The following CFAP95 variants were observed in gnomAD, a reference collection of about 807,000 sequenced individuals.
CFAP95 encodes the protein cilia- and flagella-associated protein 95.
chr9:69,857,681 C>T, the CFAP95 span, among the ~76,000 whole-genome samples: 2 of 152,068 alleles, frequency 1.3e-5, no homozygotes, highest in East Asian at 1.9e-4. Flanking sequence ...CATGCTGCCA[C>T]GTCCGGCTAA....
chr9:69,870,707 G>A, the CFAP95 span, among the ~76,000 whole-genome samples: 2,563 of 152,322 alleles, frequency 0.017, 35 homozygotes, highest in Middle Eastern at 0.031. Context: ...AAAGACAAGG[G>A]AGAAGGGAAT....
At chr9:69,886,756 C>A in the CFAP95 span, 2 of 980,280 alleles carry the variant, frequency 2.0e-6, no homozygotes, top group South Asian at 1.5e-5. Context: ...GTTTTTATTT[C>A]ATGTAAAGTG....
At chr9:69,860,093 C>T in the CFAP95 span, among the ~76,000 whole-genome samples, 11 of 152,254 alleles carry the variant, frequency 7.2e-5, no homozygotes, top group Middle Eastern at 3.4e-3. Context: ...ACTTTATAAA[C>T]GCTGTATACT....
the CFAP95 span, among the ~76,000 whole-genome samples, chr9:69,877,362 ACCTTATTGGTGT>A: frequency 1.3e-5 from 2 of 152,202 alleles, no homozygotes; most frequent in Non-Finnish European, 2.9e-5. Flanking sequence ...TCTACAAAAC[ACCTTATTGGTGT>A]TTAGATTGGA....
the CFAP95 span, among the ~76,000 whole-genome samples, chr9:69,868,046 A>T: frequency 6.2e-3 from 939 of 152,308 alleles, 10 homozygotes; most frequent in African/African-American, 0.021. Context: ...TACCATGCTT[A>T]TATGGCCATT....
chr9:69,849,932 C>T, the CFAP95 span, among the ~76,000 whole-genome samples: 1 of 152,160 alleles, frequency 6.6e-6, no homozygotes, highest in African/African-American at 2.4e-5. Flanking sequence ...CATATCTCTA[C>T]CCAGGTGAAT....
chr9:69,895,365 CTCTCTG>C, the CFAP95 span, among the ~76,000 whole-genome samples: 7 of 108,094 alleles, frequency 6.5e-5, no homozygotes, highest in African/African-American at 1.9e-4. Flanking sequence ...CTCTCTCTCT[CTCTCTG>C]TGTGTGTGTG....
At chr9:69,858,223 A>C in the CFAP95 span, 1 of 476,962 alleles carries the variant, frequency 2.1e-6, no homozygotes, top group Non-Finnish European at 3.8e-6. Context: ...TCTCTGTAAA[A>C]TTTACCTATT....
chr9:69,871,058 A>C, the CFAP95 span, among the ~76,000 whole-genome samples: 1 of 152,070 alleles, frequency 6.6e-6, no homozygotes, highest in Non-Finnish European at 1.5e-5. Context: ...GTCTTTACTA[A>C]AAATACAAAA....
At chr9:69,830,827 T>A in the CFAP95 span, among the ~76,000 whole-genome samples, 1 of 152,012 alleles carries the variant, frequency 6.6e-6, no homozygotes, top group Non-Finnish European at 1.5e-5. Flanking sequence ...TTAAAAAACT[T>A]TTTTTTTCTT....
chr9:69,835,809 G>C, the CFAP95 span, among the ~76,000 whole-genome samples: 1 of 152,232 alleles, frequency 6.6e-6, no homozygotes, highest in Admixed American at 6.5e-5. Flanking sequence ...TGACAAAGAT[G>C]CTGGTTTCTT....
At chr9:69,891,801 A>G in the CFAP95 span, among the ~76,000 whole-genome samples, 1 of 152,184 alleles carries the variant, frequency 6.6e-6, no homozygotes, top group Non-Finnish European at 1.5e-5. Context: ...TTTTATGGCC[A>G]TGTGATATGA....
chr9:69,895,369 C>CTCTCTCTGTGTGTG, the CFAP95 span, among the ~76,000 whole-genome samples: 46 of 107,914 alleles, frequency 4.3e-4, no homozygotes, highest in African/African-American at 1.2e-3. Context: ...CTCTCTCTCT[C>CTCTCTCTGTGTGTG]TGTGTGTGTG....
At chr9:69,858,223 A>G in the CFAP95 span, 5 of 477,080 alleles carry the variant, frequency 1.0e-5, no homozygotes, top group Non-Finnish European at 1.9e-5. Context: ...TCTCTGTAAA[A>G]TTTACCTATT....
the CFAP95 span, among the ~76,000 whole-genome samples, chr9:69,871,284 G>A: frequency 6.6e-6 from 1 of 152,076 alleles, no homozygotes; most frequent in South Asian, 2.1e-4. Flanking sequence ...AGGCATGCAT[G>A]GTTCATCAAG....
the CFAP95 span, among the ~76,000 whole-genome samples, chr9:69,851,127 A>G: frequency 3.3e-5 from 5 of 152,150 alleles, no homozygotes; most frequent in African/African-American, 1.2e-4. Flanking sequence ...TTTTTCATTT[A>G]TATTAGTTTG....
chr9:69,876,431 G>T, the CFAP95 span, among the ~76,000 whole-genome samples: 1 of 151,914 alleles, frequency 6.6e-6, no homozygotes, highest in African/African-American at 2.4e-5. Context: ...TACTTGGAAG[G>T]TTGAGGCAGG....
At chr9:69,831,054 G>T in the CFAP95 span, among the ~76,000 whole-genome samples, 1 of 152,054 alleles carries the variant, frequency 6.6e-6, no homozygotes. Flanking sequence ...GTCACACCGT[G>T]TATTTTCTTT....
the CFAP95 span, chr9:69,886,727 GGCCAATCCTTCCTGAAATGTT>G: frequency 1.3e-6 from 1 of 747,046 alleles, no homozygotes; most frequent in Non-Finnish European, 2.2e-6. Flanking sequence ...TTTTGATTAG[GGCCAATCCTTCCTGAAATGTT>G]TTTATTTCAT....
Sources: allele counts gnomAD v4.1 joint callset (sites outside exome capture counted in the v4.1 genomes callset), GRCh38; gene constraint gnomAD v4.1.1; transcripts MANE v1.5; gene names NCBI Gene and HGNC (gene_info 2026-07-23, HGNC 2026-07-21).